SUMF2: variants seen among roughly 807,000 people sequenced by gnomAD.
SUMF2 encodes sulfatase modifying factor 2, also known as inactive C-alpha-formylglycine-generating enzyme 2.
A neutral mutation model predicts 44.8 loss-of-function variants in SUMF2; 45 were observed. The ratio of observed to expected loss-of-function variants is 1.00; its 90% confidence interval spans 0.79 to 1.29. The LOEUF is 1.29. Among genes scored for constraint, SUMF2 ranks in the 50% most tolerant of loss-of-function variants. The pLI, the probability that SUMF2 is intolerant of heterozygous loss-of-function variation, is 0.00. For synonymous variants in SUMF2, 148 were observed against 150.4 expected (o/e 0.98, Z 0.12); for missense variants, 418 against 389.9 (o/e 1.07, Z -0.61).
intron 2 of SUMF2, among the ~76,000 whole-genome samples, chr7:56,070,960 A>G (rs1161647910): frequency 2.0e-5 from 3 of 152,206 alleles, no homozygotes; most frequent in Admixed American, 6.5e-5. Context: ...AGGCAAAACT[A>G]TAGGGACAAA....
At chr7:56,067,043 T>G (rs1326599895) in intron 1 of SUMF2, among the ~76,000 whole-genome samples, 2 of 152,266 alleles carry the variant, frequency 1.3e-5, no homozygotes, top group African/African-American at 4.8e-5. Flanking sequence ...ATATGTATTA[T>G]ATGCTTCTCT....
Position 56,074,640 on chromosome 7 carries a change from G to GT in SUMF2, c.440dup (p.Ser148GlufsTer4). On this transcript the variant is annotated frameshift_variant, in exon 5 of 9. Coordinates refer to ENST00000434526, the MANE Select transcript of SUMF2 (RefSeq NM_015411.4). LOFTEE classifies it high-confidence loss of function. ...GAGACTGGAGCACCCAGTGTTACAC[G>GT]TGAGCTGGAATGACGCCCGTGCCTA... 6.2e-7 allele frequency: 1 copy of GT among 1,614,184 alleles called. No individual in the cohort carries two copies. The highest frequency in any genetic ancestry group is 1.7e-5 in the Admixed American group (1 of 60,014).
intron 2 of SUMF2, among the ~76,000 whole-genome samples, chr7:56,069,507 A>G (rs555596715): frequency 6.6e-6 from 1 of 152,142 alleles, no homozygotes; most frequent in South Asian, 2.1e-4. Context: ...ATAAATACAT[A>G]TATATAACAA....
intron 1 of SUMF2, among the ~76,000 whole-genome samples, chr7:56,066,682 G>A (rs1478162973): frequency 6.6e-6 from 1 of 152,174 alleles, no homozygotes; most frequent in East Asian, 1.9e-4. Flanking sequence ...GTGCAGTGGC[G>A]TGATCTCGGC....
intron 2 of SUMF2, among the ~76,000 whole-genome samples, chr7:56,071,396 C>A (rs534850762): frequency 3.5e-4 from 53 of 151,590 alleles, no homozygotes; most frequent in South Asian, 2.5e-3. Context: ...GGCTGAGGCA[C>A]GAGAATCTCT....
At chr7:56,073,791 G>A (rs988590643) in intron 3 of SUMF2, 7 of 211,266 alleles carry the variant, frequency 3.3e-5, no homozygotes, top group Non-Finnish European at 4.7e-5. Context: ...TGGGACAATT[G>A]CTTGAGCCCA....
intron 5 of SUMF2, among the ~76,000 whole-genome samples, chr7:56,075,156 T>G (rs955223171): frequency 6.6e-6 from 1 of 151,152 alleles, no homozygotes; most frequent in Non-Finnish European, 1.5e-5. Context: ...GCAGTGCTTC[T>G]TAAGCTATCT....
the SUMF2 span, chr7:56,086,744 A>T: frequency 1.8e-6 from 1 of 563,616 alleles, no homozygotes; most frequent in Non-Finnish European, 3.2e-6. Flanking sequence ...CATAATACTG[A>T]TGAGAAAACC....
chr7:56,075,628 G>A (rs1386741393), intron 5 of SUMF2, among the ~76,000 whole-genome samples: 1 of 151,482 alleles, frequency 6.6e-6, no homozygotes, highest in Non-Finnish European at 1.5e-5. Context: ...GAACCTGGCA[G>A]GTGGAGGTTG....
the SUMF2 span, chr7:56,086,769 T>G: frequency 8.2e-4 from 475 of 576,792 alleles, 5 homozygotes; most frequent in Non-Finnish European, 3.0e-4. Flanking sequence ...TTTAAAGAAA[T>G]GATCCAGCCC....
rs1403617305 is a variant in SUMF2 at position 56,074,577 on chromosome 7, G to A, written c.385-9G>A. Reference sequence around the variant, plus strand: ...CCGGAAGCCTGTCTCACTTAATCCTGGCTGTCAGCCTGCAGGTCCTGGCTC... The same window carrying A: ...CCGGAAGCCTGTCTCACTTAATCCTAGCTGTCAGCCTGCAGGTCCTGGCTC... On this transcript the variant is annotated splice_polypyrimidine_tract_variant and intron_variant, in intron 4 of 8. Coordinates refer to ENST00000434526, the MANE Select transcript of SUMF2 (RefSeq NM_015411.4). The A allele has an allele frequency of 2.5e-6, 4 of 1,613,568 alleles. No individual in the cohort carries two copies. The Admixed American group carries it at 5.0e-5, about 20-fold the overall frequency.
At chr7:56,072,411 G>A (rs1795231545) in intron 2 of SUMF2, among the ~76,000 whole-genome samples, 1 of 152,050 alleles carries the variant, frequency 6.6e-6, no homozygotes, top group African/African-American at 2.4e-5. Flanking sequence ...GGGCAACAGA[G>A]TGAGACTTTG....
chr7:56,077,719 C>T (rs1440986214), intron 6 of SUMF2, among the ~76,000 whole-genome samples: 2 of 151,884 alleles, frequency 1.3e-5, no homozygotes, highest in African/African-American at 4.8e-5. Flanking sequence ...CTGAGAAGGC[C>T]AGCAGGAATA....
At chr7:56,066,483 TC>T (rs569882420) in intron 1 of SUMF2, among the ~76,000 whole-genome samples, 112 of 152,322 alleles carry the variant, frequency 7.4e-4, no homozygotes, top group South Asian at 7.2e-3. Flanking sequence ...TCTTGCTGTG[TC>T]CCTCCAGGCT....
At chr7:56,083,570 C>G (rs1796121357), downstream of SUMF2, 2 of 1,491,336 alleles carry the variant, frequency 1.3e-6, no homozygotes, top group Non-Finnish European at 1.9e-6. Flanking sequence ...ATGTGCACGC[C>G]CTGCCTCCCC....
chr7:56,079,082 T>C (rs1414425414), intron 8 of SUMF2: 1 of 528,492 alleles, frequency 1.9e-6, no homozygotes, highest in African/African-American at 1.9e-5. Flanking sequence ...CCATGCTGCC[T>C]AGGTTTGTCT....
At chr7:56,079,460 C>T (rs979466031) in intron 8 of SUMF2, 68 bp from the exon 9 acceptor site, 1 of 1,487,138 alleles carries the variant, frequency 6.7e-7, no homozygotes, top group African/African-American at 1.4e-5. Flanking sequence ...ATGAGGCAGG[C>T]AAGATGGGTA....
downstream of SUMF2, chr7:56,081,654 G>A: frequency 6.2e-7 from 1 of 1,613,776 alleles, no homozygotes. The surrounding 1 kb of genome is among the most constrained non-coding windows in gnomAD (Gnocchi z 4.6). Context: ...GGGGGCTGAA[G>A]TGCCGCACTT....
At chr7:56,081,933 G>A (rs759747023), downstream of SUMF2, 15 of 1,613,668 alleles carry the variant, frequency 9.3e-6, no homozygotes, top group Non-Finnish European at 1.3e-5. This position sits in a 1 kb window ranked among gnomAD's most constrained non-coding sequence, Gnocchi z 4.6. Flanking sequence ...CCACTCGGGC[G>A]AGCCAAACTG....
Sources: allele counts gnomAD v4.1 joint callset (sites outside exome capture counted in the v4.1 genomes callset), GRCh38; gene constraint gnomAD v4.1.1; non-coding constraint Gnocchi (gnomAD v3.1); transcripts MANE v1.5; gene names NCBI Gene and HGNC (gene_info 2026-07-23, HGNC 2026-07-21).